The following CAMK1D variants were observed in gnomAD, a reference collection of about 807,000 sequenced individuals.
CAMK1D encodes calcium/calmodulin-dependent protein kinase type 1D.
CAMK1D carries 9 observed loss-of-function variants against 47.7 expected under a neutral mutation model. The ratio of observed to expected loss-of-function variants is 0.19; its 90% CI spans 0.11 to 0.33. CAMK1D has a LOEUF of 0.33. CAMK1D is among the 10% of genes least tolerant of loss of function. The pLI is 1.00. For synonymous variants in CAMK1D, 184 were observed against 184.9 expected, an observed-to-expected ratio of 0.99 and a Z score of 0.04; for missense variants, 291 against 488.7, an observed-to-expected ratio of 0.60 and a Z score of 3.81.
intron 1 of CAMK1D, among the ~76,000 whole-genome samples, chr10:12,503,556 C>T (rs970404897): frequency 2.6e-5 from 4 of 152,036 alleles, no homozygotes; most frequent in African/African-American, 4.8e-5. Context: ...GGGAGAGGGG[C>T]GGGACGTTTG....
Position 12,353,460 on chromosome 10 carries a change from C to T in CAMK1D, c.92+3550C>T, listed in dbSNP as rs544738710. Among the ~76,000 whole-genome samples, 80 of 152,228 alleles carry T rather than the reference C, an allele frequency of 5.3e-4. No homozygotes were observed. In the South Asian group the frequency reaches 5.4e-3, roughly 10 times the overall value. ...ATCCAGGTATCTCACCTCATGGAGC[C>T]GAGCATTTACTGTTGGAAGCTAAGG... is the stretch of plus-strand genomic sequence containing the variant. On this transcript the variant is annotated intron_variant, in intron 1 of 10. Transcript: ENST00000619168.
At chr10:12,799,601 T>A (rs968585355) in intron 6 of CAMK1D, among the ~76,000 whole-genome samples, 1 of 152,206 alleles carries the variant, frequency 6.6e-6, no homozygotes, top group African/African-American at 2.4e-5. Context: ...GCACCCCTCA[T>A]GCTTTGGTGT....
At chr10:12,374,885 G>A (rs950530264) in intron 1 of CAMK1D, among the ~76,000 whole-genome samples, 1 of 147,560 alleles carries the variant, frequency 6.8e-6, no homozygotes, top group African/African-American at 2.5e-5. Context: ...GGAAGTTGTA[G>A]TGGGCCAAGA....
At chr10:12,368,940 C>G (rs1007359048) in intron 1 of CAMK1D, among the ~76,000 whole-genome samples, 24 of 152,112 alleles carry the variant, frequency 1.6e-4, no homozygotes, top group Admixed American at 2.6e-4. Context: ...GCCTCAGGCT[C>G]CCGAGTAGCT....
At chr10:12,654,339 G>C (rs1840061170) in intron 2 of CAMK1D, among the ~76,000 whole-genome samples, 1 of 152,212 alleles carries the variant, frequency 6.6e-6, no homozygotes, top group African/African-American at 2.4e-5. Context: ...TCTCACATCA[G>C]TGAAGCTAGG....
chr10:12,789,978 C>G (rs1365497747), intron 5 of CAMK1D, among the ~76,000 whole-genome samples: 1 of 152,252 alleles, frequency 6.6e-6, no homozygotes, highest in Non-Finnish European at 1.5e-5. Flanking sequence ...GCCAGCTATG[C>G]CAGACGCTGC....
intron 1 of CAMK1D, among the ~76,000 whole-genome samples, chr10:12,440,012 G>A (rs536111255): frequency 1.5e-4 from 23 of 152,314 alleles, no homozygotes; most frequent in Non-Finnish European, 2.2e-4. Flanking sequence ...AAACCACCCC[G>A]TGATTCAGTG....
At chr10:12,750,235 C>G (rs74118562) in intron 3 of CAMK1D, among the ~76,000 whole-genome samples, 1,649 of 152,288 alleles carry the variant, frequency 0.011, 29 homozygotes, top group African/African-American at 0.038. Flanking sequence ...CCATGTGGCA[C>G]AGTTTGGGCT....
At chr10:12,815,682 C>T (rs1832764601) in intron 7 of CAMK1D, among the ~76,000 whole-genome samples, 1 of 152,240 alleles carries the variant, frequency 6.6e-6, no homozygotes, top group Non-Finnish European at 1.5e-5. Context: ...ATCCCCTCTC[C>T]TGGGCTGCCA....
intron 1 of CAMK1D, among the ~76,000 whole-genome samples, chr10:12,468,124 TG>T (rs34211034): frequency 0.31 from 47,194 of 152,190 alleles, 7,465 homozygotes; most frequent in Middle Eastern, 0.35. Context: ...GGTGCCATCA[TG>T]GCGCACTGCA....
At position 12,518,494 on chromosome 10, in the gene CAMK1D, A is replaced by T. The variant is rs1418686096; in HGVS notation, c.93-34731A>T. Among the ~76,000 whole-genome samples the T allele has an allele frequency of 2.0e-3, 63 of 32,176 alleles. 11 individuals are homozygous for T. The highest frequency in any genetic ancestry group is 0.015 in the East Asian group (20 of 1,376). 21.1% of individuals were successfully genotyped at this position (32,176 alleles called of 152,430 possible). On this transcript the variant is annotated intron_variant, in intron 1 of 10. Transcript: ENST00000619168. ...ATTCTTTTTTTATTTTTTATTTTTT[A>T]TTTTTTTTTTTTATTGATCATTCTT...
At chr10:12,674,509 C>T (rs749891423) in intron 3 of CAMK1D, among the ~76,000 whole-genome samples, 5 of 149,658 alleles carry the variant, frequency 3.3e-5, no homozygotes, top group Non-Finnish European at 7.4e-5. Flanking sequence ...CTGAGTATTG[C>T]AGTAGATTTG....
intron 1 of CAMK1D, among the ~76,000 whole-genome samples, chr10:12,535,018 G>T (rs1198782201): frequency 6.6e-6 from 1 of 152,220 alleles, no homozygotes; most frequent in Non-Finnish European, 1.5e-5. Context: ...AACAGGTTTG[G>T]TGAGCAGCTA....
chr10:12,430,729 A>C (rs1204211211), intron 1 of CAMK1D, among the ~76,000 whole-genome samples: 1 of 152,110 alleles, frequency 6.6e-6, no homozygotes, highest in Non-Finnish European at 1.5e-5. Flanking sequence ...GCTTTGGTGC[A>C]TACATGTGAT....
At chr10:12,530,935 T>C (rs1267303894) in intron 1 of CAMK1D, among the ~76,000 whole-genome samples, 1 of 152,002 alleles carries the variant, frequency 6.6e-6, no homozygotes, top group African/African-American at 2.4e-5. Context: ...CGGGCGCCTG[T>C]AATCCCAGCT....
intron 1 of CAMK1D, among the ~76,000 whole-genome samples, chr10:12,499,626 T>A (rs1486604270): frequency 1.3e-5 from 2 of 152,132 alleles, no homozygotes; most frequent in African/African-American, 4.8e-5. Context: ...GAAGGCTATT[T>A]TTCTGCTCTT....
At chr10:12,463,908 G>A (rs970524274) in intron 1 of CAMK1D, among the ~76,000 whole-genome samples, 19 of 152,106 alleles carry the variant, frequency 1.2e-4, no homozygotes, top group African/African-American at 3.6e-4. Context: ...TGTCTCCTGC[G>A]TTCCTTCTCC....
Position 12,486,100 on chromosome 10 carries a change from A to G in CAMK1D, c.93-67125A>G, listed in dbSNP as rs544799607. Among the ~76,000 whole-genome samples the G allele has an allele frequency of 4.6e-5, 7 of 151,398 alleles. No homozygotes were observed. The East Asian group carries it at 1.2e-3, about 25-fold the overall frequency. On this transcript the variant is annotated intron_variant, in intron 1 of 10. Transcript: ENST00000619168. ...ATTTTGTACAATAAATGAAGCACCC[A>G]TGCAGTGCACACACACACGTACACA...
rs149886986 is a variant in CAMK1D at position 12,761,744 on chromosome 10, G to A, written c.438+658G>A. 8.6e-3 allele frequency among the ~76,000 whole-genome samples: 1,316 copies of A among 152,240 alleles called. 20 individuals are homozygous for A. The highest frequency in any genetic ancestry group is 0.03 in the African/African-American group (1,255 of 41,542). ...TCTACAAAAATACAAAAATTAGCTGGGTGTGGTGGCGCGTGCCTGTAGTCC... is the reference window on the plus strand; with the variant it reads ...TCTACAAAAATACAAAAATTAGCTGAGTGTGGTGGCGCGTGCCTGTAGTCC... On this transcript the variant is annotated intron_variant, in intron 4 of 10. Transcript: ENST00000619168.
Sources: gnomAD v4.1 joint callset for allele counts (sites outside exome capture counted in the v4.1 genomes callset) on GRCh38, gnomAD v4.1.1 for gene constraint, MANE v1.5 for transcripts, NCBI Gene and HGNC (gene_info 2026-07-23, HGNC 2026-07-21) for gene names.